Variants in CCDC141 observed in about 807,000 individuals in gnomAD.
CCDC141 encodes the protein coiled-coil domain containing 141.
A neutral mutation model predicts 181.0 loss-of-function variants in CCDC141; 168 were observed. The ratio of observed to expected loss-of-function variants is 0.93; its 90% confidence interval spans 0.82 to 1.05. CCDC141 has a LOEUF of 1.05. CCDC141 is among the 50% of genes least tolerant of loss of function. The pLI is 0.00. For synonymous variants in CCDC141, 666 were observed against 642.3 expected (o/e 1.04, Z -0.56); for missense variants, 1,902 against 1,788.5 (o/e 1.06, Z -1.14).
At chr2:178,981,149 T>G (rs982562224) in intron 2 of CCDC141, among the ~76,000 whole-genome samples, 1 of 152,162 alleles carries the variant, frequency 6.6e-6, no homozygotes, top group Admixed American at 6.5e-5. Flanking sequence ...TATACTATAA[T>G]AGAGACTTCA....
chr2:178,961,022 C>A (rs542831029), intron 5 of CCDC141, among the ~76,000 whole-genome samples: 3 of 152,272 alleles, frequency 2.0e-5, no homozygotes, highest in Admixed American at 2.0e-4. Context: ...CTCATTTATA[C>A]AATCAACAGT....
Position 178,850,048 on chromosome 2 carries a change from C to A in CCDC141, c.3357+1G>T. ...TACATATTCTAGGAAGAAGAAATTA[C>A]CTTCAGTTTTTCTTCGAGCTCTGTG... On this transcript the variant is annotated splice_donor_variant, in intron 21 of 23. Transcript: ENST00000443758. LOFTEE classifies it high-confidence loss of function. The A allele has an allele frequency of 6.7e-7, 1 of 1,488,684 alleles. No individual in the cohort carries two copies. Among genetic ancestry groups the A allele is most frequent in the Admixed American group, 1.9e-5 (1 of 52,640 alleles). 92.2% of individuals were successfully genotyped at this position (1,488,684 alleles called of 1,614,324 possible).
intron 2 of CCDC141, among the ~76,000 whole-genome samples, chr2:179,041,221 GC>G (rs1422960216): frequency 6.6e-6 from 1 of 152,062 alleles, no homozygotes; most frequent in African/African-American, 2.4e-5. Context: ...CTCCAGAGTA[GC>G]TGGGACTACA....
chr2:178,991,384 C>T (rs778659746), intron 2 of CCDC141, among the ~76,000 whole-genome samples: 6 of 152,130 alleles, frequency 3.9e-5, no homozygotes, highest in Non-Finnish European at 8.8e-5. Context: ...GAATTTTACA[C>T]TTTAAAATGG....
chr2:179,042,707 C>T lies in CCDC141; in HGVS notation c.225+4577G>A, dbSNP rs151049286. 2.3e-3 allele frequency among the ~76,000 whole-genome samples: 343 copies of T among 152,276 alleles called. 1 individual carries two copies. The highest frequency in any genetic ancestry group is 8.0e-3 in the African/African-American group (331 of 41,548). On this transcript the variant is annotated intron_variant, in intron 2 of 23. Transcript: ENST00000443758. ...ACAATGGACCGGAATCTCTGGGATG[C>T]AGCTAAAGCAGTATGAAGTGAGAAA... is the stretch of plus-strand genomic sequence containing the variant.
At chr2:179,030,559 C>CTTTTACTGTGA (rs2042974173) in intron 2 of CCDC141, among the ~76,000 whole-genome samples, 1 of 151,924 alleles carries the variant, frequency 6.6e-6, no homozygotes, top group Non-Finnish European at 1.5e-5. Context: ...GACAATTCAC[C>CTTTTACTGTGA]ATTTAATTAC....
chr2:178,915,208 G>A (rs1046567525), intron 7 of CCDC141, among the ~76,000 whole-genome samples: 2 of 151,872 alleles, frequency 1.3e-5, no homozygotes, highest in Non-Finnish European at 2.9e-5. Context: ...AAAATGAAAG[G>A]AAAAGGGGGA....
At chr2:178,917,729 T>C (rs1190675944) in intron 7 of CCDC141, among the ~76,000 whole-genome samples, 1 of 152,196 alleles carries the variant, frequency 6.6e-6, no homozygotes, top group African/African-American at 2.4e-5. Context: ...TGTGAACAGG[T>C]GAACATTGCC....
At chr2:178,945,630 C>G (rs1195126476) in intron 5 of CCDC141, among the ~76,000 whole-genome samples, 1 of 152,104 alleles carries the variant, frequency 6.6e-6, no homozygotes, top group Non-Finnish European at 1.5e-5. Context: ...GCGGGAATGA[C>G]TTCAAATCTG....
chr2:178,955,533 T>G (rs1034236212), intron 5 of CCDC141, among the ~76,000 whole-genome samples: 1 of 152,214 alleles, frequency 6.6e-6, no homozygotes, highest in Non-Finnish European at 1.5e-5. Context: ...TTAAAATTAA[T>G]TGATCTATTT....
chr2:178,899,007 AT>A (rs981826793), intron 8 of CCDC141, among the ~76,000 whole-genome samples: 5 of 152,072 alleles, frequency 3.3e-5, no homozygotes, highest in African/African-American at 7.2e-5. Context: ...TACCCTCAGT[AT>A]TTTTTTAAGC....
chr2:178,964,859 T>C (rs1292484437), intron 4 of CCDC141, among the ~76,000 whole-genome samples: 1 of 152,190 alleles, frequency 6.6e-6, no homozygotes, highest in African/African-American at 2.4e-5. Context: ...AAATCCTACT[T>C]ACTGACACAA....
At chr2:178,871,031 A>G (rs547146006) in intron 14 of CCDC141, among the ~76,000 whole-genome samples, 2 of 152,236 alleles carry the variant, frequency 1.3e-5, no homozygotes, top group African/African-American at 4.8e-5. Context: ...TGGTCACCTC[A>G]GGGACCCAGG....
At chr2:178,820,320 T>C in the CCDC141 span, among the ~76,000 whole-genome samples, 1 of 152,142 alleles carries the variant, frequency 6.6e-6, no homozygotes, top group Non-Finnish European at 1.5e-5. Flanking sequence ...GGTGTGTTTT[T>C]TTAAGGTTGG....
At chr2:178,857,464 GC>G (rs1234114509) in intron 17 of CCDC141, among the ~76,000 whole-genome samples, 1 of 152,268 alleles carries the variant, frequency 6.6e-6, no homozygotes, top group East Asian at 1.9e-4. Context: ...TGACGGCTAT[GC>G]TAACTTGTGT....
At chr2:178,971,677 T>C (rs937345753) in intron 4 of CCDC141, among the ~76,000 whole-genome samples, 4 of 152,134 alleles carry the variant, frequency 2.6e-5, no homozygotes, top group Non-Finnish European at 5.9e-5. Flanking sequence ...AACCCAAATG[T>C]CCATCAATAA....
At chr2:178,992,233 T>C (rs565042992) in intron 2 of CCDC141, among the ~76,000 whole-genome samples, 8 of 152,010 alleles carry the variant, frequency 5.3e-5, no homozygotes, top group Admixed American at 6.5e-5. Flanking sequence ...TTTCACCTTC[T>C]TATTTATATC....
chr2:178,935,511 A>G (rs1689250626), intron 6 of CCDC141, among the ~76,000 whole-genome samples: 1 of 152,004 alleles, frequency 6.6e-6, no homozygotes, highest in Non-Finnish European at 1.5e-5. Context: ...CATTTTCTTT[A>G]TTCAATCTGT....
At chr2:178,956,891 T>A (rs1220370462) in intron 5 of CCDC141, among the ~76,000 whole-genome samples, 1 of 152,158 alleles carries the variant, frequency 6.6e-6, no homozygotes, top group African/African-American at 2.4e-5. Context: ...AGCTTTTTTT[T>A]TTTTTGAGAT....
Sources: gnomAD v4.1 joint callset for allele counts (sites outside exome capture counted in the v4.1 genomes callset) on GRCh38, gnomAD v4.1.1 for gene constraint, MANE v1.5 for transcripts, NCBI Gene and HGNC (gene_info 2026-07-23, HGNC 2026-07-21) for gene names.